Variants in IGSF21 observed in about 807,000 individuals in gnomAD.
The protein encoded by IGSF21 is immunoglobin superfamily member 21, also known as immunoglobulin superfamily member 21.
IGSF21 carries 28 observed loss-of-function variants against 46.8 expected under a neutral mutation model. The observed-to-expected ratio is 0.60, with a 90% CI of 0.44 to 0.82. IGSF21 has a LOEUF of 0.82. Ranked by LOEUF, IGSF21 falls within the 40% of genes least tolerant of loss-of-function variation. The pLI, the probability that IGSF21 is intolerant of heterozygous loss-of-function variation, is 0.00. For missense variants in IGSF21, 624 were observed against 665.5 expected, an observed-to-expected ratio of 0.94 and a Z score of 0.69; for synonymous variants, 284 against 273.6, an observed-to-expected ratio of 1.04 and a Z score of -0.38.
intron 1 of IGSF21, among the ~76,000 whole-genome samples, chr1:18,196,914 C>T (rs1436820947): frequency 6.6e-6 from 1 of 152,064 alleles, no homozygotes; most frequent in African/African-American, 2.4e-5. Context: ...CCGCCCCGTG[C>T]CCCTGTCCAG....
At chr1:18,175,552 T>C (rs1422029544) in intron 1 of IGSF21, among the ~76,000 whole-genome samples, 2 of 152,020 alleles carry the variant, frequency 1.3e-5, no homozygotes, top group Non-Finnish European at 2.9e-5. Flanking sequence ...GAGGGGTCAG[T>C]CTGGAACCTC....
At chr1:18,326,137 C>T (rs1472958292) in intron 3 of IGSF21, among the ~76,000 whole-genome samples, 1 of 152,150 alleles carries the variant, frequency 6.6e-6, no homozygotes, top group Non-Finnish European at 1.5e-5. Flanking sequence ...ACTTTATCGC[C>T]AGTTTTATTA....
At chr1:18,185,272 A>G (rs1289150987) in intron 1 of IGSF21, among the ~76,000 whole-genome samples, 2 of 152,202 alleles carry the variant, frequency 1.3e-5, no homozygotes, top group Non-Finnish European at 2.9e-5. Context: ...AATGTCAGAT[A>G]CACGAACAGC....
intron 1 of IGSF21, among the ~76,000 whole-genome samples, chr1:18,218,297 G>C (rs1005342641): frequency 2.0e-5 from 3 of 152,154 alleles, no homozygotes; most frequent in Non-Finnish European, 2.9e-5. Flanking sequence ...ATTATCAAGA[G>C]AGCAGCAAGG....
chr1:18,229,752 C>T (rs761905932), intron 2 of IGSF21, among the ~76,000 whole-genome samples: 1 of 152,214 alleles, frequency 6.6e-6, no homozygotes, highest in East Asian at 1.9e-4. Context: ...TGAACTGAAT[C>T]ACTAAGAGGT....
At chr1:18,319,107 G>C (rs972702135) in intron 3 of IGSF21, among the ~76,000 whole-genome samples, 6 of 152,212 alleles carry the variant, frequency 3.9e-5, no homozygotes, top group African/African-American at 1.4e-4. Flanking sequence ...AAGAGTCCCA[G>C]GTAGCCTGTC....
intron 3 of IGSF21, among the ~76,000 whole-genome samples, chr1:18,327,972 A>G (rs569908074): frequency 2.6e-5 from 4 of 152,362 alleles, no homozygotes; most frequent in Admixed American, 2.0e-4. Flanking sequence ...AACACATTGC[A>G]AAACCCCTAA....
intron 1 of IGSF21, among the ~76,000 whole-genome samples, chr1:18,208,478 T>C (rs539427147): frequency 7.8e-4 from 112 of 144,308 alleles, no homozygotes; most frequent in African/African-American, 2.8e-3. Context: ...GCCTCCCGGG[T>C]TCACGCCATT....
At chr1:18,220,486 G>A (rs906346520) in intron 1 of IGSF21, among the ~76,000 whole-genome samples, 2 of 152,100 alleles carry the variant, frequency 1.3e-5, no homozygotes, top group Non-Finnish European at 2.9e-5. Flanking sequence ...AACAGTCAAG[G>A]GAATGAGTAG....
chr1:18,377,736 C>T (rs1421634367), intron 9 of IGSF21, among the ~76,000 whole-genome samples: 1 of 152,212 alleles, frequency 6.6e-6, no homozygotes, highest in Non-Finnish European at 1.5e-5. Context: ...CTGCCCATGG[C>T]ATCTCTAGCT....
intron 1 of IGSF21, among the ~76,000 whole-genome samples, chr1:18,160,149 A>G (rs1288835592): frequency 6.6e-6 from 1 of 152,054 alleles, no homozygotes; most frequent in East Asian, 1.9e-4. Context: ...AGGGGGAGAG[A>G]AGGAAGGAAA....
chr1:18,192,183 T>C (rs963172662), intron 1 of IGSF21, among the ~76,000 whole-genome samples: 4 of 152,220 alleles, frequency 2.6e-5, no homozygotes, highest in African/African-American at 9.6e-5. Flanking sequence ...CTCTGTTTCC[T>C]GCCTCTGTGA....
intron 2 of IGSF21, among the ~76,000 whole-genome samples, chr1:18,272,606 CG>C (rs1557617666): frequency 6.6e-6 from 1 of 152,210 alleles, no homozygotes; most frequent in African/African-American, 2.4e-5. Context: ...CATGTGACCG[CG>C]ACAGCCCCTT....
At chr1:18,183,753 T>C (rs2086877819) in intron 1 of IGSF21, among the ~76,000 whole-genome samples, 1 of 152,072 alleles carries the variant, frequency 6.6e-6, no homozygotes, top group South Asian at 2.1e-4. Context: ...ACTGTGTAGT[T>C]CATTCTGAGG....
intron 1 of IGSF21, among the ~76,000 whole-genome samples, chr1:18,171,346 G>A (rs1386756869): frequency 6.6e-6 from 1 of 152,120 alleles, no homozygotes; most frequent in Non-Finnish European, 1.5e-5. Context: ...GCAGAACGAA[G>A]GCCAGGGCAC....
chr1:18,250,667 C>T (rs1052433207), intron 2 of IGSF21, among the ~76,000 whole-genome samples: 15 of 152,050 alleles, frequency 9.9e-5, no homozygotes, highest in Non-Finnish European at 5.9e-5. Context: ...TGGTTTTAAC[C>T]TCTCTGGACC....
chr1:18,111,639 A>G (rs2086145886), intron 1 of IGSF21: 1 of 152,166 alleles, frequency 6.6e-6, no homozygotes, highest in African/African-American at 2.4e-5. Flanking sequence ...TGTTTTTCCA[A>G]TAGCCCCGAT....
intron 3 of IGSF21, among the ~76,000 whole-genome samples, chr1:18,305,694 T>G (rs2085419036): frequency 6.6e-6 from 1 of 152,246 alleles, no homozygotes; most frequent in African/African-American, 2.4e-5. Context: ...CATCTAAAAC[T>G]TGCCATTGAT....
intron 6 of IGSF21, chr1:18,376,035 C>G: frequency 2.8e-6 from 1 of 362,720 alleles, no homozygotes; most frequent in South Asian, 2.7e-5. Context: ...TCTTTCTTCC[C>G]CACTGATGTG....
Sources: gnomAD v4.1 joint callset for allele counts (sites outside exome capture counted in the v4.1 genomes callset) on GRCh38, gnomAD v4.1.1 for gene constraint, MANE v1.5 for transcripts, NCBI Gene and HGNC (gene_info 2026-07-23, HGNC 2026-07-21) for gene names.